Variants in WWP2 observed in about 807,000 individuals in gnomAD.
WWP2 encodes WW domain containing E3 ubiquitin protein ligase 2.
Under a neutral mutation model 121.0 loss-of-function variants are expected in WWP2, and 57 were observed. That is an observed-to-expected ratio of 0.47 (90% CI 0.38 to 0.59). The LOEUF is 0.59. Ranked by LOEUF, WWP2 falls within the 20% of genes least tolerant of loss-of-function variation. WWP2 has a pLI of 0.00. For synonymous variants in WWP2, 449 were observed against 441.3 expected (o/e 1.02, Z -0.22); for missense variants, 962 against 1,158.9 (o/e 0.83, Z 2.47).
At chr16:69,764,157 C>A (rs934234287) in intron 1 of WWP2, among the ~76,000 whole-genome samples, 1 of 152,152 alleles carries the variant, frequency 6.6e-6, no homozygotes, top group African/African-American at 2.4e-5. Context: ...GACCCTTAAT[C>A]CTTAGATCCA....
At chr16:69,930,396 A>G in intron 13 of WWP2, 138 bp downstream of exon 13, 1 of 1,357,894 alleles carries the variant, frequency 7.4e-7, no homozygotes, top group African/African-American at 1.5e-5. Flanking sequence ...GCCAATGTTG[A>G]TGTCATATTA....
At chr16:69,909,212 G>C in intron 9 of WWP2, 1 of 1,010,424 alleles carries the variant, frequency 9.9e-7, no homozygotes, top group Non-Finnish European at 1.2e-6. Flanking sequence ...AGGCTTCCAA[G>C]AGAGGGAAGA....
At chr16:69,919,460 C>A (rs936249025) in intron 10 of WWP2, among the ~76,000 whole-genome samples, 12 of 152,194 alleles carry the variant, frequency 7.9e-5, no homozygotes, top group Non-Finnish European at 1.3e-4. Context: ...AACCACCATG[C>A]CTGGCCCACA....
intron 8 of WWP2, chr16:69,890,962 C>G (rs1197493205): frequency 6.6e-6 from 1 of 152,248 alleles, no homozygotes; most frequent in African/African-American, 2.4e-5. Flanking sequence ...CTGCTCCCCA[C>G]TTGAACATGT....
intron 4 of WWP2, among the ~76,000 whole-genome samples, chr16:69,802,019 T>C (rs1567673969): frequency 6.6e-6 from 1 of 151,662 alleles, no homozygotes; most frequent in Non-Finnish European, 1.5e-5. Flanking sequence ...AACCTTTGCC[T>C]TCTGGGTTCA....
At chr16:69,908,713 A>G in intron 8 of WWP2, 48 bp from the exon 9 acceptor site, 4 of 1,611,906 alleles carry the variant, frequency 2.5e-6, no homozygotes, top group South Asian at 1.1e-5. Flanking sequence ...ACAGGGGCCT[A>G]TGCCTTTCCA....
chr16:69,765,732 G>A (rs770786265), intron 1 of WWP2, among the ~76,000 whole-genome samples: 2 of 152,180 alleles, frequency 1.3e-5, no homozygotes, highest in Admixed American at 1.3e-4. Context: ...GCTGAGGCAC[G>A]AGAATTGCTT....
intron 8 of WWP2, among the ~76,000 whole-genome samples, chr16:69,893,934 G>C (rs1452247412): frequency 6.6e-6 from 1 of 152,182 alleles, no homozygotes; most frequent in Admixed American, 6.5e-5. Context: ...AGGCATTTGA[G>C]CTAAGCTTGA....
In WWP2 at chr16:69,937,043, GCC is replaced by G; in HGVS notation, c.2118-74_2118-73del. ...GATCTGGTGGTCCTGCGCGGTAACG[GCC>G]ACGCGGCCTGGCCGGGAGCCACCCC... On this transcript the variant is annotated intron_variant, in intron 19 of 23. Transcript: ENST00000359154. This position sits in a 1 kb window ranked among gnomAD's most constrained non-coding sequence, Gnocchi z 6.6. 1 of 1,561,222 alleles carries G rather than the reference GCC, an allele frequency of 6.4e-7. No homozygotes were observed. Among genetic ancestry groups the G allele is most frequent in the Non-Finnish European group, 8.7e-7 (1 of 1,151,628 alleles).
intron 10 of WWP2, 48 bp downstream of exon 10, chr16:69,917,931 T>C: frequency 6.5e-7 from 1 of 1,547,500 alleles, no homozygotes; most frequent in African/African-American, 1.5e-5. Context: ...TCCCTGCGCT[T>C]GCGAATGTGC....
At chr16:69,880,374 T>A (rs1420773136) in intron 7 of WWP2, among the ~76,000 whole-genome samples, 1 of 152,152 alleles carries the variant, frequency 6.6e-6, no homozygotes, top group Non-Finnish European at 1.5e-5. Flanking sequence ...TGATGTGTTA[T>A]CGTATTTTCT....
intron 8 of WWP2, among the ~76,000 whole-genome samples, chr16:69,897,277 A>G (rs2058120075): frequency 6.6e-6 from 1 of 151,922 alleles, no homozygotes; most frequent in South Asian, 2.1e-4. Context: ...TAATTTTTAT[A>G]TTTTTTGTAG....
chr16:69,859,735 G>A lies in WWP2; in HGVS notation c.576-12069G>A, dbSNP rs573400938. On this transcript the variant is annotated intron_variant, in intron 6 of 23. Coordinates refer to ENST00000359154, the MANE Select transcript of WWP2 (RefSeq NM_001270454.2). ...TTCTCACGGTGCCCCCTCCACCTTCGAGCCAGGAAAGGAGTGTCAGATCTC... is the reference window on the plus strand; with the variant it reads ...TTCTCACGGTGCCCCCTCCACCTTCAAGCCAGGAAAGGAGTGTCAGATCTC... Among the ~76,000 whole-genome samples the A allele has an allele frequency of 2.0e-5, 3 of 151,660 alleles. No homozygotes were observed. In the East Asian group the frequency reaches 5.8e-4, roughly 29 times the overall value.
chr16:69,787,725 C>T (rs568630365), intron 2 of WWP2, among the ~76,000 whole-genome samples: 5 of 152,234 alleles, frequency 3.3e-5, no homozygotes, highest in Non-Finnish European at 5.9e-5. Flanking sequence ...GAAGATCACT[C>T]CTCTGGGCTT....
chr16:69,803,689 C>T (rs2056219069), intron 4 of WWP2, among the ~76,000 whole-genome samples: 1 of 152,130 alleles, frequency 6.6e-6, no homozygotes, highest in African/African-American at 2.4e-5. Flanking sequence ...AGGTTGATCA[C>T]CTGAGGCCAG....
At chr16:69,776,688 C>T (rs2055535700) in intron 1 of WWP2, among the ~76,000 whole-genome samples, 1 of 152,006 alleles carries the variant, frequency 6.6e-6, no homozygotes. Context: ...ATTAGCTGGG[C>T]GTGGTGGTGC....
chr16:69,848,803 C>T, intron 6 of WWP2, among the ~76,000 whole-genome samples: 1 of 152,040 alleles, frequency 6.6e-6, no homozygotes, highest in East Asian at 1.9e-4. Context: ...GGCCTGGGGA[C>T]CTTGGATTTG....
intron 16 of WWP2, among the ~76,000 whole-genome samples, chr16:69,932,126 T>A (rs937279002): frequency 2.0e-4 from 30 of 152,186 alleles, no homozygotes; most frequent in African/African-American, 7.0e-4. Flanking sequence ...GGTCGGGGGT[T>A]CGAGACCAGC....
chr16:69,858,072 G>A (rs1046835215), intron 6 of WWP2, among the ~76,000 whole-genome samples: 2 of 151,908 alleles, frequency 1.3e-5, no homozygotes, highest in Admixed American at 1.3e-4. Flanking sequence ...ATTAGGGCCC[G>A]GTTGGTTTTG....
Sources: allele counts gnomAD v4.1 joint callset (sites outside exome capture counted in the v4.1 genomes callset), GRCh38; gene constraint gnomAD v4.1.1; non-coding constraint Gnocchi (gnomAD v3.1); transcripts MANE v1.5; gene names NCBI Gene and HGNC (gene_info 2026-07-23, HGNC 2026-07-21).